Variants in PARD3 observed in about 807,000 individuals in gnomAD.
PARD3 encodes the protein partitioning defective 3 homolog.
Under a neutral mutation model 155.4 loss-of-function variants are expected in PARD3, and 75 were observed. The observed-to-expected ratio is 0.48, with a 90% CI of 0.40 to 0.58. PARD3 has a LOEUF of 0.58. Ranked by LOEUF, PARD3 falls within the 20% of genes least tolerant of loss-of-function variation. The pLI, the probability that PARD3 is intolerant of heterozygous loss-of-function variation, is 0.00. For missense variants in PARD3, 1,642 were observed against 1,721.7 expected (o/e 0.95, Z 0.82); for synonymous variants, 576 against 610.5 (o/e 0.94, Z 0.83).
At chr10:34,243,251 C>A (rs993929949) in intron 22 of PARD3, among the ~76,000 whole-genome samples, 2 of 152,250 alleles carry the variant, frequency 1.3e-5, no homozygotes, top group South Asian at 2.1e-4. Flanking sequence ...ATGCTCTCAT[C>A]CCACCTGATG....
intron 22 of PARD3, among the ~76,000 whole-genome samples, chr10:34,243,845 G>A (rs1327872235): frequency 3.9e-5 from 6 of 152,098 alleles, no homozygotes; most frequent in African/African-American, 1.2e-4. Flanking sequence ...CATCAAATTT[G>A]ACCTGCGCCA....
At chr10:34,662,497 G>A (rs919833137) in intron 2 of PARD3, among the ~76,000 whole-genome samples, 1 of 152,136 alleles carries the variant, frequency 6.6e-6, no homozygotes, top group Admixed American at 6.6e-5. Flanking sequence ...AGATTTGGAA[G>A]CAAACTAAGT....
At chr10:34,203,966 TG>T (rs1186472001) in intron 22 of PARD3, among the ~76,000 whole-genome samples, 1 of 152,256 alleles carries the variant, frequency 6.6e-6, no homozygotes, top group Admixed American at 6.5e-5. Flanking sequence ...ACGCCTCTCA[TG>T]TTATGATTAA....
At chr10:34,579,481 G>GA (rs557082740) in intron 2 of PARD3, among the ~76,000 whole-genome samples, 261 of 149,862 alleles carry the variant, frequency 1.7e-3, no homozygotes, top group African/African-American at 6.0e-3. Context: ...TAAAATCAAT[G>GA]AAAAAAAATA....
Position 34,602,244 on chromosome 10 carries a change from CA to C in PARD3, c.223-85086del, listed in dbSNP as rs373797199. Among the ~76,000 whole-genome samples, 373 of 151,978 alleles carry C rather than the reference CA, an allele frequency of 2.5e-3. 1 individual carries two copies. Among genetic ancestry groups the C allele is most frequent in the African/African-American group, 8.1e-3 (337 of 41,504 alleles). On this transcript the variant is annotated intron_variant, in intron 2 of 24. Transcript: ENST00000374788. ...ATATATGTTTACACTTTTCACTTTTCAAAAAAAATTTCAATGTTACTAAAAA... is the reference window on the plus strand; with the variant it reads ...ATATATGTTTACACTTTTCACTTTTCAAAAAAATTTCAATGTTACTAAAAA...
chr10:34,557,098 T>A (rs1488048410), intron 2 of PARD3, among the ~76,000 whole-genome samples: 1 of 152,160 alleles, frequency 6.6e-6, no homozygotes, highest in Non-Finnish European at 1.5e-5. Context: ...ATGTCAACCA[T>A]GTAGCTGACT....
At chr10:34,192,163 G>T (rs2133270963) in intron 22 of PARD3, among the ~76,000 whole-genome samples, 1 of 152,086 alleles carries the variant, frequency 6.6e-6, no homozygotes, top group Non-Finnish European at 1.5e-5. Flanking sequence ...TGCCTCCTGG[G>T]CTCAAGTGAT....
At chr10:34,450,798 A>G (rs953967459) in intron 4 of PARD3, among the ~76,000 whole-genome samples, 1 of 152,136 alleles carries the variant, frequency 6.6e-6, no homozygotes, top group Non-Finnish European at 1.5e-5. Context: ...ACTCTCTCTC[A>G]ACTGTGGCAT....
intron 14 of PARD3, among the ~76,000 whole-genome samples, chr10:34,352,403 C>G (rs1184662724): frequency 6.6e-6 from 1 of 152,216 alleles, no homozygotes; most frequent in Non-Finnish European, 1.5e-5. Flanking sequence ...CGAGCCGAGG[C>G]TGGACTGTAC....
intron 20 of PARD3, among the ~76,000 whole-genome samples, chr10:34,284,783 TTTAA>T (rs1249006118): frequency 6.6e-6 from 1 of 152,220 alleles, no homozygotes; most frequent in Non-Finnish European, 1.5e-5. Flanking sequence ...TACACTGCAC[TTTAA>T]TTAAATTGAA....
At chr10:34,484,496 G>A (rs956659403) in intron 3 of PARD3, among the ~76,000 whole-genome samples, 6 of 152,076 alleles carry the variant, frequency 3.9e-5, no homozygotes, top group East Asian at 1.9e-4. Flanking sequence ...TGCTCCTCTC[G>A]AGTACTCAAC....
intron 23 of PARD3, among the ~76,000 whole-genome samples, chr10:34,129,676 C>CTTTTTTTT (rs139162678): frequency 0.21 from 25,078 of 118,108 alleles, 3,599 homozygotes; most frequent in Non-Finnish European, 0.31. Flanking sequence ...TCAAATGTTC[C>CTTTTTTTT]TTTTTTTTTG....
At chr10:34,324,812 TA>T (rs1958587459) in intron 19 of PARD3, among the ~76,000 whole-genome samples, 1 of 152,124 alleles carries the variant, frequency 6.6e-6, no homozygotes, top group South Asian at 2.1e-4. Context: ...GCTAAGCCCG[TA>T]AACAGTTTCT....
chr10:34,245,130 A>C (rs1355227035), intron 22 of PARD3, among the ~76,000 whole-genome samples: 2 of 152,208 alleles, frequency 1.3e-5, no homozygotes, highest in Non-Finnish European at 2.9e-5. Context: ...ACACCCAAGG[A>C]AGTCTTAGCA....
At chr10:34,264,163 A>C (rs1361139918) in intron 22 of PARD3, among the ~76,000 whole-genome samples, 7 of 152,216 alleles carry the variant, frequency 4.6e-5, no homozygotes, top group Non-Finnish European at 5.9e-5. Flanking sequence ...TTTTTAGTAC[A>C]GTACTCAATA....
At chr10:34,161,711 G>A (rs935390571) in intron 22 of PARD3, among the ~76,000 whole-genome samples, 4 of 152,062 alleles carry the variant, frequency 2.6e-5, no homozygotes, top group East Asian at 1.9e-4. Context: ...CAAGAAATTC[G>A]CTGTTCATTT....
chr10:34,387,152 T>C (rs1294808040), intron 7 of PARD3, among the ~76,000 whole-genome samples: 1 of 152,288 alleles, frequency 6.6e-6, no homozygotes, highest in East Asian at 1.9e-4. Flanking sequence ...ATTGGTGAAA[T>C]CATAAGCGAT....
chr10:34,444,505 G>C (rs1047772129), intron 5 of PARD3, among the ~76,000 whole-genome samples: 1 of 152,068 alleles, frequency 6.6e-6, no homozygotes, highest in Non-Finnish European at 1.5e-5. Context: ...GTTGTTTTTT[G>C]TTCGTTTGTT....
At chr10:34,425,332 C>T (rs2075542403) in intron 5 of PARD3, among the ~76,000 whole-genome samples, 1 of 152,170 alleles carries the variant, frequency 6.6e-6, no homozygotes, top group African/African-American at 2.4e-5. Flanking sequence ...AACCAGAACC[C>T]AATCTAAGTT....
Sources: allele counts gnomAD v4.1 joint callset (sites outside exome capture counted in the v4.1 genomes callset), GRCh38; gene constraint gnomAD v4.1.1; transcripts MANE v1.5; gene names NCBI Gene and HGNC (gene_info 2026-07-23, HGNC 2026-07-21).